The following MPZL1 variants were observed in gnomAD, a reference collection of about 807,000 sequenced individuals.
MPZL1 encodes myelin protein zero-like protein 1.
MPZL1 carries 16 observed loss-of-function variants against 29.3 expected under a neutral mutation model. The observed-to-expected ratio is 0.55, with a 90% CI of 0.37 to 0.83. The LOEUF (loss-of-function observed/expected upper bound fraction) is 0.83. Among genes scored for constraint, MPZL1 ranks in the 40% least tolerant of loss-of-function variants. The pLI is 0.00. For missense variants in MPZL1, 279 were observed against 332.9 expected (o/e 0.84, Z 1.26); for synonymous variants, 143 against 132.0 (o/e 1.08, Z -0.57).
At chr1:167,760,862 T>G (rs1660973652) in intron 1 of MPZL1, among the ~76,000 whole-genome samples, 1 of 148,442 alleles carries the variant, frequency 6.7e-6, no homozygotes, top group South Asian at 2.1e-4. Context: ...AGATACGCAG[T>G]CAGAGAAATG....
chr1:167,785,401 G>T (rs1443026695), intron 5 of MPZL1, among the ~76,000 whole-genome samples: 1 of 152,252 alleles, frequency 6.6e-6, no homozygotes, highest in Non-Finnish European at 1.5e-5. Flanking sequence ...GAGAGTGGAA[G>T]TGGCAAGGTC....
chr1:167,785,803 G>GT (rs1050213848), intron 5 of MPZL1, among the ~76,000 whole-genome samples: 3 of 151,350 alleles, frequency 2.0e-5, no homozygotes, highest in African/African-American at 7.3e-5. Flanking sequence ...TCTTTTTTTT[G>GT]TTTTTTTGAG....
intron 5 of MPZL1, among the ~76,000 whole-genome samples, chr1:167,786,899 G>A (rs1361709911): frequency 6.6e-6 from 1 of 152,182 alleles, no homozygotes; most frequent in African/African-American, 2.4e-5. Flanking sequence ...GGGCTATTTT[G>A]TTGTTGTTTA....
At chr1:167,741,078 G>C (rs1361994752) in intron 1 of MPZL1, among the ~76,000 whole-genome samples, 3 of 152,040 alleles carry the variant, frequency 2.0e-5, no homozygotes, top group Non-Finnish European at 4.4e-5. Context: ...GTGCAGTAGT[G>C]TAATCACGGC....
At chr1:167,734,301 G>C (rs1277372253) in intron 1 of MPZL1, among the ~76,000 whole-genome samples, 4 of 151,556 alleles carry the variant, frequency 2.6e-5, no homozygotes, top group African/African-American at 9.7e-5. Flanking sequence ...AGTCTCCCTA[G>C]GCCTTTGAAT....
chr1:167,749,179 A>G (rs1487134083), intron 1 of MPZL1, among the ~76,000 whole-genome samples: 1 of 152,236 alleles, frequency 6.6e-6, no homozygotes, highest in African/African-American at 2.4e-5. Context: ...GTAAGTCAGG[A>G]AGCAAAAGTT....
Position 167,722,041 on chromosome 1 carries a change from CGGCGCGGG to C in MPZL1, c.-110_-103del. The C allele has an allele frequency of 8.2e-7, 1 of 1,224,528 alleles. No homozygotes were observed. Among genetic ancestry groups the C allele is most frequent in the Non-Finnish European group, 1.0e-6 (1 of 982,044 alleles). The allele number at this position is 1,224,528 out of a possible 1,614,324, so 75.9% of individuals were successfully genotyped here. On this transcript the variant is annotated 5_prime_UTR_variant, in exon 1 of 6. Coordinates refer to ENST00000359523, the MANE Select transcript of MPZL1 (RefSeq NM_003953.6). ...GGGAGCGCGGCGTGGAGGTGCCACCCGGCGCGGGTGGCGGAGAGATCAGAAGCCTCTTC... is the reference window on the plus strand; with the variant it reads ...GGGAGCGCGGCGTGGAGGTGCCACCCTGGCGGAGAGATCAGAAGCCTCTTC...
intron 1 of MPZL1, among the ~76,000 whole-genome samples, chr1:167,733,246 T>G (rs1461473498): frequency 6.6e-6 from 1 of 152,256 alleles, no homozygotes; most frequent in Non-Finnish European, 1.5e-5. Context: ...ATGGTAATCA[T>G]GCCTACCTTG....
chr1:167,753,817 A>G (rs1256454110), intron 1 of MPZL1, among the ~76,000 whole-genome samples: 2 of 151,894 alleles, frequency 1.3e-5, no homozygotes, highest in Non-Finnish European at 2.9e-5. Flanking sequence ...TTTAGTAGAG[A>G]TGGGATTTCA....
chr1:167,749,417 T>C (rs1343118631), intron 1 of MPZL1, among the ~76,000 whole-genome samples: 1 of 152,204 alleles, frequency 6.6e-6, no homozygotes, highest in East Asian at 1.9e-4. Flanking sequence ...ATCCAGAGAT[T>C]ATGAAACATA....
At chr1:167,758,101 T>C (rs980279871) in intron 1 of MPZL1, among the ~76,000 whole-genome samples, 2 of 151,550 alleles carry the variant, frequency 1.3e-5, no homozygotes, top group Non-Finnish European at 2.9e-5. Flanking sequence ...TTGCAGTGAG[T>C]TGAGATCGCT....
At chr1:167,753,778 C>T (rs139935312) in intron 1 of MPZL1, among the ~76,000 whole-genome samples, 283 of 151,994 alleles carry the variant, frequency 1.9e-3, no homozygotes, top group East Asian at 4.1e-3. Flanking sequence ...TACAGGTGCC[C>T]GCCATCACGC....
chr1:167,752,713 T>C (rs1660783232), intron 1 of MPZL1, among the ~76,000 whole-genome samples: 1 of 152,228 alleles, frequency 6.6e-6, no homozygotes. Context: ...TGCTGATTAA[T>C]CAATACTCTT....
At chr1:167,778,601 A>G (rs1661422142) in intron 5 of MPZL1, among the ~76,000 whole-genome samples, 1 of 152,004 alleles carries the variant, frequency 6.6e-6, no homozygotes. Context: ...ATAATTAATT[A>G]CAATAAAAAA....
chr1:167,729,682 G>C (rs1660223948), intron 1 of MPZL1, among the ~76,000 whole-genome samples: 1 of 152,190 alleles, frequency 6.6e-6, no homozygotes, highest in Non-Finnish European at 1.5e-5. Context: ...TTAGGGAGAT[G>C]TTTTAACTTC....
At position 167,791,293 on chromosome 1, in the gene MPZL1, A is replaced by AT. The variant is rs1394222358; in HGVS notation, c.*3373dup. On this transcript the variant is annotated 3_prime_UTR_variant, in exon 6 of 6. Coordinates refer to ENST00000359523, the MANE Select transcript of MPZL1 (RefSeq NM_003953.6). ...TGCTCAATACATGTTACGTGGATGGATGAGTAGGTGGAAGCATTCATCCAT... is the reference window on the plus strand; with the variant it reads ...TGCTCAATACATGTTACGTGGATGGATTGAGTAGGTGGAAGCATTCATCCAT... The AT allele has an allele frequency of 2.6e-5, 4 of 152,222 alleles. No homozygotes were observed. The highest frequency in any genetic ancestry group is 5.9e-5 in the Non-Finnish European group (4 of 68,056). 9.4% of individuals were successfully genotyped at this position (152,222 alleles called of 1,614,324 possible). A position where few individuals can be genotyped will look rare whatever the true frequency, so the allele number is the denominator to read the frequency against.
intron 5 of MPZL1, among the ~76,000 whole-genome samples, chr1:167,783,814 A>G (rs1469539602): frequency 6.6e-6 from 1 of 152,238 alleles, no homozygotes; most frequent in Admixed American, 6.5e-5. Context: ...CATAATACAT[A>G]GCTGTGTTTC....
intron 1 of MPZL1, among the ~76,000 whole-genome samples, chr1:167,722,966 A>G (rs58424330): frequency 0.013 from 1,914 of 152,188 alleles, 38 homozygotes; most frequent in African/African-American, 0.042. Flanking sequence ...AAAAAGCATA[A>G]TTTTCCTAAA....
chr1:167,785,530 T>C (rs1661574617), intron 5 of MPZL1, among the ~76,000 whole-genome samples: 1 of 152,206 alleles, frequency 6.6e-6, no homozygotes, highest in Non-Finnish European at 1.5e-5. Context: ...TACTCTTGAT[T>C]GGAAGGACCT....
Sources: allele counts gnomAD v4.1 joint callset (sites outside exome capture counted in the v4.1 genomes callset), GRCh38; gene constraint gnomAD v4.1.1; transcripts MANE v1.5; gene names NCBI Gene and HGNC (gene_info 2026-07-23, HGNC 2026-07-21).